MAP6: variants seen among roughly 807,000 people sequenced by gnomAD.
The protein encoded by MAP6 is microtubule associated protein 6, also known as microtubule-associated protein 6.
In MAP6, 26 loss-of-function variants were observed where a neutral mutation model predicts 42.4. The ratio of observed to expected loss-of-function variants is 0.61; its 90% confidence interval spans 0.45 to 0.85. The LOEUF is 0.85. Ranked by LOEUF, MAP6 falls within the 40% of genes least tolerant of loss-of-function variation. The pLI is 0.00. For synonymous variants in MAP6, 418 were observed against 443.8 expected (o/e 0.94, Z 0.73); for missense variants, 966 against 1,099.0 (o/e 0.88, Z 1.71).
chr11:75,649,817 G>C (rs1830755875), intron 1 of MAP6, among the ~76,000 whole-genome samples: 1 of 152,078 alleles, frequency 6.6e-6, no homozygotes, highest in African/African-American at 2.4e-5. Flanking sequence ...GGGATTACAG[G>C]TGTGAGCCAC....
intron 1 of MAP6, among the ~76,000 whole-genome samples, chr11:75,638,780 G>A (rs1013011796): frequency 4.6e-5 from 7 of 152,074 alleles, no homozygotes; most frequent in South Asian, 2.1e-4. Context: ...GAACTATCAC[G>A]CAATCCAGCA....
intron 1 of MAP6, among the ~76,000 whole-genome samples, chr11:75,627,449 T>C (rs967518807): frequency 6.6e-6 from 1 of 152,222 alleles, no homozygotes; most frequent in Non-Finnish European, 1.5e-5. Flanking sequence ...CATGTGGCTG[T>C]GCTTGCACGT....
chr11:75,641,032 C>T (rs1490917002), intron 1 of MAP6, among the ~76,000 whole-genome samples: 2 of 152,092 alleles, frequency 1.3e-5, no homozygotes, highest in Admixed American at 1.3e-4. Flanking sequence ...GACACATGCA[C>T]ACGTATGTTT....
intron 1 of MAP6, among the ~76,000 whole-genome samples, chr11:75,623,335 G>A (rs1590780186): frequency 6.6e-6 from 1 of 152,176 alleles, no homozygotes; most frequent in Non-Finnish European, 1.5e-5. Context: ...GAGGGAGGAT[G>A]CTAAAACTGT....
intron 1 of MAP6, among the ~76,000 whole-genome samples, chr11:75,657,286 A>G (rs1943767761): frequency 6.6e-6 from 1 of 151,776 alleles, no homozygotes; most frequent in Non-Finnish European, 1.5e-5. Flanking sequence ...AATTTTTTAT[A>G]TTTTTAGTAG....
chr11:75,617,531 A>AC (rs1565263389), intron 1 of MAP6, among the ~76,000 whole-genome samples: 5 of 150,240 alleles, frequency 3.3e-5, no homozygotes, highest in Non-Finnish European at 5.9e-5. Context: ...AAAAAAAAAA[A>AC]AAAAAAAAAA....
intron 3 of MAP6, among the ~76,000 whole-genome samples, chr11:75,593,000 C>G (rs572284719): frequency 5.3e-5 from 8 of 152,368 alleles, no homozygotes; most frequent in Admixed American, 2.6e-4. Flanking sequence ...CAGCTGTCAT[C>G]TCTCAGCTCA....
intron 1 of MAP6, among the ~76,000 whole-genome samples, chr11:75,630,966 T>G (rs1452830308): frequency 6.6e-6 from 1 of 152,246 alleles, no homozygotes; most frequent in East Asian, 1.9e-4. Flanking sequence ...GTGATTCTAA[T>G]GCAGTTGGTC....
intron 1 of MAP6, among the ~76,000 whole-genome samples, chr11:75,659,783 T>C (rs1309646188): frequency 2.0e-5 from 3 of 152,194 alleles, no homozygotes; most frequent in African/African-American, 7.2e-5. Flanking sequence ...TTAATGAACA[T>C]TTGTTGATTT....
chr11:75,607,007 C>T (rs2135588559), intron 2 of MAP6, among the ~76,000 whole-genome samples: 1 of 152,352 alleles, frequency 6.6e-6, no homozygotes, highest in African/African-American at 2.4e-5. Flanking sequence ...GGGTGCCACA[C>T]CATCTCTGGA....
intron 1 of MAP6, among the ~76,000 whole-genome samples, chr11:75,655,439 T>C (rs1454864589): frequency 6.6e-6 from 1 of 152,178 alleles, no homozygotes; most frequent in Non-Finnish European, 1.5e-5. Context: ...GAGGTCCATA[T>C]GATTTTAACG....
At position 75,588,314 on chromosome 11, in the gene MAP6, A is replaced by G. The variant is rs990620650; in HGVS notation, c.1317-130T>C. On this transcript the variant is annotated intron_variant, in intron 3 of 3. Transcript: ENST00000304771. The stretch of plus-strand genomic sequence containing the variant: ...GCAGCTCTTGCTGGAGAGCCAGGAG[A>G]ATATGATTTCTGTGTTCTTAGTACA... The G allele has an allele frequency of 6.6e-5, 48 of 729,032 alleles. No individual in the cohort carries two copies. The African/African-American group carries it at 7.9e-4, about 12-fold the overall frequency. 45.2% of individuals were successfully genotyped at this position (729,032 alleles called of 1,614,324 possible).
At chr11:75,661,860 A>G (rs1044102482) in intron 1 of MAP6, among the ~76,000 whole-genome samples, 2 of 152,184 alleles carry the variant, frequency 1.3e-5, no homozygotes, top group Non-Finnish European at 2.9e-5. Flanking sequence ...TAAATCTTGG[A>G]AAGGAAGATA....
chr11:75,656,009 C>T (rs1943742537), intron 1 of MAP6, among the ~76,000 whole-genome samples: 1 of 152,236 alleles, frequency 6.6e-6, no homozygotes, highest in African/African-American at 2.4e-5. Context: ...AAACACTCAG[C>T]AGATGAGCCT....
chr11:75,635,454 C>T (rs1487207039), intron 1 of MAP6, among the ~76,000 whole-genome samples: 2 of 152,162 alleles, frequency 1.3e-5, no homozygotes, highest in Admixed American at 6.5e-5. Context: ...CGTCTCGCTG[C>T]CAAAAGCCCA....
intron 1 of MAP6, among the ~76,000 whole-genome samples, chr11:75,619,980 G>C (rs1209951778): frequency 6.6e-6 from 1 of 152,102 alleles, no homozygotes; most frequent in Non-Finnish European, 1.5e-5. Flanking sequence ...ACCAGCATCT[G>C]TTATTTTTTG....
At position 75,587,963 on chromosome 11, in the gene MAP6, T is replaced by C; in HGVS notation, c.1538A>G (p.Glu513Gly). The C allele has an allele frequency of 6.2e-7, 1 of 1,614,128 alleles. No homozygotes were observed. Among genetic ancestry groups the C allele is most frequent in the Non-Finnish European group, 8.5e-7 (1 of 1,180,028 alleles). ...AACAGGGCTTTCATTCTTTAAAGGC[T>C]CAGGGACCGTGTGATCTTGATCCTT... ...PVKDQDHTVPEPLKNESPVIS... is the reference protein window; with the variant it reads ...PVKDQDHTVPGPLKNESPVIS... Residue 513 changes from glutamate to glycine, a missense_variant, in exon 4 of 4, where the codon GAG becomes GGG. Glu to Gly is a moderately conservative substitution (Grantham distance 98). Coordinates refer to ENST00000304771, the MANE Select transcript of MAP6 (RefSeq NM_033063.2).
intron 2 of MAP6, among the ~76,000 whole-genome samples, chr11:75,606,294 T>G (rs1004595022): frequency 1.8e-4 from 28 of 152,116 alleles, no homozygotes; most frequent in African/African-American, 6.8e-4. Context: ...TTGGGCAATA[T>G]TTGAGCCCCT....
chr11:75,648,510 C>G (rs1270743037), intron 1 of MAP6, among the ~76,000 whole-genome samples: 1 of 151,942 alleles, frequency 6.6e-6, no homozygotes, highest in East Asian at 1.9e-4. Flanking sequence ...AACAAACAAA[C>G]AAACAAACAA....
Sources: allele counts gnomAD v4.1 joint callset (sites outside exome capture counted in the v4.1 genomes callset), GRCh38; gene constraint gnomAD v4.1.1; transcripts MANE v1.5; gene names NCBI Gene and HGNC (gene_info 2026-07-23, HGNC 2026-07-21).